The following MCTP1 variants were observed in gnomAD, a reference collection of about 807,000 sequenced individuals.
MCTP1 encodes the protein multiple C2 and transmembrane domain containing 1.
A neutral mutation model predicts 120.6 loss-of-function variants in MCTP1; 69 were observed. The ratio of observed to expected loss-of-function variants is 0.57; its 90% CI spans 0.47 to 0.70. MCTP1 has a LOEUF of 0.70. Ranked by LOEUF, MCTP1 falls within the 30% of genes least tolerant of loss-of-function variation. The pLI, the probability that MCTP1 is intolerant of heterozygous loss-of-function variation, is 0.00. For synonymous variants in MCTP1, 529 were observed against 493.1 expected (o/e 1.07, Z -0.96); for missense variants, 1,203 against 1,248.8 (o/e 0.96, Z 0.55).
chr5:94,859,638 T>C (rs536980792), intron 17 of MCTP1, among the ~76,000 whole-genome samples: 92 of 151,834 alleles, frequency 6.1e-4, no homozygotes, highest in African/African-American at 2.2e-3. Context: ...ACCAGATACA[T>C]ACTGACACTC....
intron 1 of MCTP1, among the ~76,000 whole-genome samples, chr5:95,200,879 A>G (rs1366368636): frequency 6.6e-6 from 1 of 152,212 alleles, no homozygotes; most frequent in Non-Finnish European, 1.5e-5. Flanking sequence ...CAACTTATAC[A>G]TATTTCAAAA....
At chr5:95,258,682 T>G (rs1051282211) in intron 1 of MCTP1, among the ~76,000 whole-genome samples, 1 of 152,232 alleles carries the variant, frequency 6.6e-6, no homozygotes, top group African/African-American at 2.4e-5. Flanking sequence ...CTGCCCTATA[T>G]TTGCGATTTT....
chr5:94,934,475 G>C (rs932154441), intron 5 of MCTP1, among the ~76,000 whole-genome samples: 7 of 151,714 alleles, frequency 4.6e-5, no homozygotes, highest in Non-Finnish European at 8.9e-5. Flanking sequence ...TAAAAATATG[G>C]CTTGTGATAG....
chr5:94,729,132 CA>C (rs1434859000), intron 19 of MCTP1, among the ~76,000 whole-genome samples: 10 of 152,176 alleles, frequency 6.6e-5, no homozygotes, highest in African/African-American at 2.4e-4. Context: ...TAGTTGAGAA[CA>C]GTTTTGGTCA....
intron 1 of MCTP1, among the ~76,000 whole-genome samples, chr5:95,094,524 A>G (rs1756079047): frequency 6.6e-6 from 1 of 152,236 alleles, no homozygotes; most frequent in Non-Finnish European, 1.5e-5. Context: ...TAGGAATCTA[A>G]GAGAAAAAAA....
chr5:94,875,815 C>G (rs919705685), intron 12 of MCTP1, among the ~76,000 whole-genome samples: 2 of 150,736 alleles, frequency 1.3e-5, no homozygotes, highest in Non-Finnish European at 2.9e-5. Flanking sequence ...TTTCTAGAAT[C>G]TGACAAAGAG....
rs527955693 is a variant in MCTP1, at chr5:95,062,567, G to A, written c.721-45083C>T. 1.0e-3 allele frequency among the ~76,000 whole-genome samples: 159 copies of A among 152,242 alleles called. 1 individual carries two copies. Among genetic ancestry groups the A allele is most frequent in the African/African-American group, 3.6e-3 (149 of 41,556 alleles). ...AGATTAAGAGGATGGTATTTTGAAC[G>A]CATTCCAGAGTCCCCTCAGCATGGG... On this transcript the variant is annotated intron_variant, in intron 1 of 22. Transcript: ENST00000515393.
intron 1 of MCTP1, among the ~76,000 whole-genome samples, chr5:95,046,868 C>T (rs1340510017): frequency 1.3e-5 from 2 of 152,128 alleles, no homozygotes; most frequent in African/African-American, 4.8e-5. Flanking sequence ...TTTGCTGATA[C>T]CCTGATGAGG....
chr5:95,227,563 C>A (rs1754423975), intron 1 of MCTP1, among the ~76,000 whole-genome samples: 1 of 152,080 alleles, frequency 6.6e-6, no homozygotes, highest in Non-Finnish European at 1.5e-5. Context: ...TAAAAGGCAA[C>A]TTTATAGGAA....
intron 17 of MCTP1, among the ~76,000 whole-genome samples, chr5:94,808,029 T>C (rs918296436): frequency 6.6e-6 from 1 of 152,218 alleles, no homozygotes; most frequent in Admixed American, 6.5e-5. Flanking sequence ...ATTCTCCTAC[T>C]AATGTTTAAC....
rs566574014 is a variant in MCTP1, at chr5:95,265,760, C to T, written c.720+18096G>A. 1.2e-4 allele frequency among the ~76,000 whole-genome samples: 18 copies of T among 152,296 alleles called. No individual in the cohort carries two copies. In the South Asian group the frequency reaches 3.7e-3, roughly 32 times the overall value. On this transcript the variant is annotated intron_variant, in intron 1 of 22. Coordinates refer to ENST00000515393, the MANE Select transcript of MCTP1 (RefSeq NM_024717.7). ...GACATTTATCTTTTACATATATATG[C>T]TACCTCCCCATCTAAGAGAAAAAAT...
At chr5:95,093,178 C>T (rs1198482949) in intron 1 of MCTP1, among the ~76,000 whole-genome samples, 2 of 152,048 alleles carry the variant, frequency 1.3e-5, no homozygotes, top group Non-Finnish European at 2.9e-5. Flanking sequence ...TTGCAAAGGT[C>T]GTTGTTTGGT....
intron 3 of MCTP1, among the ~76,000 whole-genome samples, chr5:94,952,718 G>C (rs762991457): frequency 6.6e-6 from 1 of 152,022 alleles, no homozygotes. Context: ...TACATCAAAC[G>C]AGAGGAAAGA....
At chr5:95,126,680 T>C (rs1418680440) in intron 1 of MCTP1, among the ~76,000 whole-genome samples, 1 of 152,180 alleles carries the variant, frequency 6.6e-6, no homozygotes, top group African/African-American at 2.4e-5. Flanking sequence ...GCAGGTAAAT[T>C]CTGGGATCAT....
intron 19 of MCTP1, among the ~76,000 whole-genome samples, chr5:94,741,703 G>A (rs913713791): frequency 8.5e-5 from 13 of 152,288 alleles, no homozygotes; most frequent in Middle Eastern, 3.4e-3. Flanking sequence ...TAAGAACCTC[G>A]TCTAGCAAAA....
chr5:95,172,265 C>A (rs1319299263), intron 1 of MCTP1, among the ~76,000 whole-genome samples: 2 of 152,190 alleles, frequency 1.3e-5, no homozygotes, highest in Non-Finnish European at 2.9e-5. Flanking sequence ...CATTCCTCTG[C>A]AAGCTTTGTC....
chr5:94,911,412 G>A (rs1357345193), intron 9 of MCTP1, among the ~76,000 whole-genome samples: 1 of 152,144 alleles, frequency 6.6e-6, no homozygotes, highest in Admixed American at 6.6e-5. Flanking sequence ...GGGCCTAGTG[G>A]GAGATGATTG....
intron 1 of MCTP1, among the ~76,000 whole-genome samples, chr5:95,035,205 C>G (rs1421413414): frequency 1.3e-5 from 2 of 151,932 alleles, no homozygotes; most frequent in African/African-American, 4.8e-5. Flanking sequence ...TTTGACCTAA[C>G]AATCTTACTA....
intron 18 of MCTP1, among the ~76,000 whole-genome samples, chr5:94,798,327 T>G (rs1780500765): frequency 6.6e-6 from 1 of 152,152 alleles, no homozygotes. Flanking sequence ...AGAACATATG[T>G]GATTATAGTG....
Sources: allele counts gnomAD v4.1 joint callset (sites outside exome capture counted in the v4.1 genomes callset), GRCh38; gene constraint gnomAD v4.1.1; transcripts MANE v1.5; gene names NCBI Gene and HGNC (gene_info 2026-07-23, HGNC 2026-07-21).